Variants in DCAF8L2 observed in about 807,000 individuals in gnomAD.
DCAF8L2 encodes DDB1 and CUL4 associated factor 8 like 2.
For missense variants in DCAF8L2, 430 were observed against 490.7 expected (o/e 0.88, Z 1.17); for synonymous variants, 200 against 190.9 (o/e 1.05, Z -0.39).
At chrX:27,565,801 G>C in the DCAF8L2 span, among the ~76,000 whole-genome samples, 36 of 110,391 alleles carry the variant, frequency 3.3e-4, no homozygotes, top group Middle Eastern at 0.023. Flanking sequence ...GGGAGAGGGG[G>C]CCTGAGAGAG....
At chrX:27,663,231 G>A (rs1238321004) in intron 2 of DCAF8L2, among the ~76,000 whole-genome samples, 2 of 112,046 alleles carry the variant, frequency 1.8e-5, no homozygotes, top group African/African-American at 6.5e-5. Context: ...ACTCATTAAA[G>A]GGAAGGATTC....
chrX:27,607,902 T>C (rs1926979653), intron 1 of DCAF8L2, among the ~76,000 whole-genome samples: 1 of 111,666 alleles, frequency 9.0e-6, no homozygotes, highest in African/African-American at 3.2e-5. Context: ...AGATAATGGA[T>C]TATGAAATTG....
At chrX:27,708,535 A>G (rs764899534) in intron 3 of DCAF8L2, among the ~76,000 whole-genome samples, 2 of 111,761 alleles carry the variant, frequency 1.8e-5, no homozygotes, top group Non-Finnish European at 3.8e-5. Context: ...TGTATTTTCA[A>G]TCTTGTATTA....
chrX:27,721,163 C>T (rs1176846588), intron 4 of DCAF8L2, among the ~76,000 whole-genome samples: 1 of 111,515 alleles, frequency 9.0e-6, no homozygotes, highest in African/African-American at 3.2e-5. Flanking sequence ...AAATTGTAGG[C>T]CTTTCATTTA....
At position 27,739,138 on chromosome X, in the gene DCAF8L2, T is replaced by C. The variant is rs139912657; in HGVS notation, c.-58-7700T>C. Among the ~76,000 whole-genome samples, 1,093 of 111,465 alleles carry C rather than the reference T, an allele frequency of 9.8e-3. 15 individuals carry two copies. The highest frequency in any genetic ancestry group is 0.033 in the African/African-American group (1,020 of 30,700). On this transcript the variant is annotated intron_variant, in intron 4 of 4. Transcript: ENST00000451261. Reference sequence around the variant, plus strand: ...AATCTATTGACCCCATTTCCCTTTGTTGTCACTCTAATTCTCTTCTCTTTG... The same window carrying C: ...AATCTATTGACCCCATTTCCCTTTGCTGTCACTCTAATTCTCTTCTCTTTG...
the DCAF8L2 span, among the ~76,000 whole-genome samples, chrX:27,514,814 CAT>C: frequency 1.8e-5 from 2 of 109,245 alleles, no homozygotes; most frequent in Admixed American, 9.8e-5. Context: ...TGATCTCACT[CAT>C]ATGTGGAATC....
At chrX:27,738,069 T>C (rs773720644) in intron 4 of DCAF8L2, among the ~76,000 whole-genome samples, 2 of 111,622 alleles carry the variant, frequency 1.8e-5, no homozygotes, top group South Asian at 7.5e-4. Context: ...TTTCTTTGAT[T>C]GATATTTTCA....
chrX:27,552,212 G>T, the DCAF8L2 span, among the ~76,000 whole-genome samples: 2 of 111,296 alleles, frequency 1.8e-5, no homozygotes, highest in African/African-American at 6.5e-5. Flanking sequence ...CTTGTTAAAT[G>T]CATAATTTGC....
At chrX:27,627,748 G>T (rs1267942573) in intron 1 of DCAF8L2, among the ~76,000 whole-genome samples, 1 of 108,789 alleles carries the variant, frequency 9.2e-6, no homozygotes, top group Non-Finnish European at 1.9e-5. Context: ...ACAAAAATTA[G>T]CTGGGCGTGG....
chrX:27,718,215 G>A (rs1465909239), intron 4 of DCAF8L2, among the ~76,000 whole-genome samples: 2 of 111,379 alleles, frequency 1.8e-5, no homozygotes, highest in African/African-American at 3.3e-5. Flanking sequence ...CCACTGATCA[G>A]CTTTTTGTCA....
At chrX:27,569,756 G>A in the DCAF8L2 span, among the ~76,000 whole-genome samples, 1 of 111,620 alleles carries the variant, frequency 9.0e-6, no homozygotes, top group Non-Finnish European at 1.9e-5. Context: ...AACATAATAG[G>A]GATAGTGGAT....
intron 1 of DCAF8L2, among the ~76,000 whole-genome samples, chrX:27,603,056 C>G (rs1926722631): frequency 9.0e-6 from 1 of 111,443 alleles, no homozygotes; most frequent in Admixed American, 9.6e-5. Flanking sequence ...GTGACAGAGA[C>G]AATTACATGT....
chrX:27,473,182 T>C, the DCAF8L2 span, among the ~76,000 whole-genome samples: 2 of 112,355 alleles, frequency 1.8e-5, no homozygotes, highest in African/African-American at 6.5e-5. Flanking sequence ...TCTAAAAATT[T>C]TGTATGTGAA....
chrX:27,703,349 T>C (rs934571752), intron 3 of DCAF8L2, among the ~76,000 whole-genome samples: 3 of 110,984 alleles, frequency 2.7e-5, no homozygotes, highest in Non-Finnish European at 5.7e-5. Context: ...TATGGAAATA[T>C]AAGGGACTCA....
intron 4 of DCAF8L2, among the ~76,000 whole-genome samples, chrX:27,737,869 A>C (rs1165310807): frequency 9.0e-6 from 1 of 111,377 alleles, no homozygotes. Flanking sequence ...AAATTCTACT[A>C]ATCTTAGTAT....
the DCAF8L2 span, among the ~76,000 whole-genome samples, chrX:27,474,007 G>A: frequency 1.8e-5 from 2 of 110,967 alleles, no homozygotes; most frequent in South Asian, 7.7e-4. Context: ...GGGCTCTAAT[G>A]TTCAGGCTCA....
At chrX:27,519,652 G>C in the DCAF8L2 span, 11 of 618,013 alleles carry the variant, frequency 1.8e-5, no homozygotes, top group East Asian at 3.5e-4. Context: ...AAATGAAGGG[G>C]TAATGAACCA....
intron 1 of DCAF8L2, among the ~76,000 whole-genome samples, chrX:27,619,319 G>A (rs186758047): frequency 9.0e-6 from 1 of 110,825 alleles, no homozygotes; most frequent in African/African-American, 3.3e-5. Context: ...AATAGAAACC[G>A]TTTCTCTATA....
chrX:27,494,320 C>A, the DCAF8L2 span, among the ~76,000 whole-genome samples: 1 of 111,066 alleles, frequency 9.0e-6, no homozygotes. Flanking sequence ...GCAGGAGAAT[C>A]GCTTGAACCT....
Sources: allele counts gnomAD v4.1 joint callset (sites outside exome capture counted in the v4.1 genomes callset), GRCh38; gene constraint gnomAD v4.1.1; transcripts MANE v1.5; gene names NCBI Gene and HGNC (gene_info 2026-07-23, HGNC 2026-07-21).